Variants in GRID1 observed in about 807,000 individuals in gnomAD.
GRID1 encodes the protein glutamate receptor ionotropic, delta-1.
GRID1 carries 28 observed loss-of-function variants against 98.0 expected under a neutral mutation model. That is an observed-to-expected ratio of 0.29 (90% CI 0.21 to 0.39). GRID1 has a LOEUF of 0.39. Among genes scored for constraint, GRID1 ranks in the 10% least tolerant of loss-of-function variants. The probability of loss-of-function intolerance (pLI) is 1.00; values close to 1 mark genes in which losing one functional copy is unlikely to be tolerated. For synonymous variants in GRID1, 553 were observed against 538.5 expected, an observed-to-expected ratio of 1.03 and a Z score of -0.37; for missense variants, 1,111 against 1,340.5, an observed-to-expected ratio of 0.83 and a Z score of 2.67.
chr10:85,854,429 T>G (rs1843088721), intron 8 of GRID1, 67 bp downstream of exon 8: 1 of 1,486,668 alleles, frequency 6.7e-7, no homozygotes, highest in South Asian at 1.2e-5. Context: ...TCAGGGACCC[T>G]GTAGCTGTTG....
chr10:85,970,994 G>T (rs952311083), intron 4 of GRID1, among the ~76,000 whole-genome samples: 9 of 151,942 alleles, frequency 5.9e-5, no homozygotes, highest in African/African-American at 2.2e-4. Flanking sequence ...CTGCAAGGTT[G>T]CAGGATACAA....
intron 4 of GRID1, among the ~76,000 whole-genome samples, chr10:86,100,527 G>T (rs566564335): frequency 2.0e-4 from 31 of 152,338 alleles, no homozygotes; most frequent in South Asian, 6.2e-4. Flanking sequence ...ACAGTCAGGA[G>T]TGTTAGGAAA....
chr10:85,709,177 G>C (rs531763849), intron 12 of GRID1: 1 of 294,908 alleles, frequency 3.4e-6, no homozygotes, highest in African/African-American at 2.2e-5. Context: ...CCGAGGCTGG[G>C]CTTATGCCCT....
At chr10:85,756,802 T>C (rs1838999354) in intron 8 of GRID1, among the ~76,000 whole-genome samples, 1 of 152,198 alleles carries the variant, frequency 6.6e-6, no homozygotes, top group Admixed American at 6.5e-5. Flanking sequence ...TGTCCATTTG[T>C]CACTTACACT....
At chr10:85,775,138 A>G (rs1481205875) in intron 8 of GRID1, among the ~76,000 whole-genome samples, 2 of 152,198 alleles carry the variant, frequency 1.3e-5, no homozygotes, top group Admixed American at 6.5e-5. Flanking sequence ...ATGGAATACT[A>G]TGCAGCCATA....
At chr10:86,087,495 A>AGTGTGTGTGTGTGTAT (rs147005955) in intron 4 of GRID1, among the ~76,000 whole-genome samples, 1 of 81,476 alleles carries the variant, frequency 1.2e-5, no homozygotes, top group Non-Finnish European at 2.6e-5. Flanking sequence ...AGAAGATCCA[A>AGTGTGTGTGTGTGTAT]GTGTGTGTGT....
intron 2 of GRID1, among the ~76,000 whole-genome samples, chr10:86,245,844 CAGA>C (rs1264073184): frequency 1.3e-5 from 2 of 152,254 alleles, no homozygotes; most frequent in African/African-American, 4.8e-5. Flanking sequence ...CAGAGGTCAG[CAGA>C]AGAAGAAGGC....
At chr10:85,761,382 T>C (rs1191071838) in intron 8 of GRID1, among the ~76,000 whole-genome samples, 2 of 152,202 alleles carry the variant, frequency 1.3e-5, no homozygotes, top group East Asian at 3.9e-4. Flanking sequence ...TGGAGTTCTT[T>C]CCAGTTTCTG....
chr10:86,189,457 C>T (rs765613400), intron 3 of GRID1, among the ~76,000 whole-genome samples: 2 of 151,982 alleles, frequency 1.3e-5, no homozygotes, highest in Non-Finnish European at 2.9e-5. Context: ...TCATTACTCC[C>T]CTGCCTGTGG....
rs988240593 is a variant in GRID1 at position 85,949,269 on chromosome 10, C to T, written c.727-33030G>A. On this transcript the variant is annotated intron_variant, in intron 4 of 15. Transcript: ENST00000327946. ...TTAGTTGAAAATTCCTTTTTATTCC[C>T]CAATCTCATTTCCCAGAAGTAACCA... Among the ~76,000 whole-genome samples, 4 of 152,068 alleles carry T rather than the reference C, an allele frequency of 2.6e-5. No homozygotes were observed. In the South Asian group the frequency reaches 8.3e-4, roughly 32 times the overall value.
At chr10:85,705,294 G>T (rs1166901752) in intron 12 of GRID1, among the ~76,000 whole-genome samples, 1 of 150,730 alleles carries the variant, frequency 6.6e-6, no homozygotes, top group Non-Finnish European at 1.5e-5. Flanking sequence ...GGATATCACA[G>T]AAATACAAAC....
intron 2 of GRID1, among the ~76,000 whole-genome samples, chr10:86,359,579 A>G (rs1315585731): frequency 6.6e-6 from 1 of 152,238 alleles, no homozygotes; most frequent in African/African-American, 2.4e-5. Context: ...GATAACTAAA[A>G]GGAATATTGC....
At chr10:86,333,995 C>T (rs1848187829) in intron 2 of GRID1, among the ~76,000 whole-genome samples, 1 of 152,134 alleles carries the variant, frequency 6.6e-6, no homozygotes, top group Non-Finnish European at 1.5e-5. Flanking sequence ...TAGATGCCAG[C>T]CGCCACCCCC....
At chr10:85,804,899 TCAGCTCTTAC>T (rs984150319) in intron 8 of GRID1, among the ~76,000 whole-genome samples, 1 of 151,542 alleles carries the variant, frequency 6.6e-6, no homozygotes, top group Non-Finnish European at 1.5e-5. Context: ...GACAAGGATG[TCAGCTCTTAC>T]CACATCTTTC....
At chr10:86,256,247 G>A (rs1846915961) in intron 2 of GRID1, among the ~76,000 whole-genome samples, 1 of 152,270 alleles carries the variant, frequency 6.6e-6, no homozygotes, top group Non-Finnish European at 1.5e-5. Flanking sequence ...CCACGGCAGG[G>A]GCTCTGCTCC....
At chr10:85,875,804 C>T (rs981647523) in intron 5 of GRID1, among the ~76,000 whole-genome samples, 1 of 152,122 alleles carries the variant, frequency 6.6e-6, no homozygotes, top group Non-Finnish European at 1.5e-5. Context: ...TTGTATTTTC[C>T]CATTACACAT....
intron 12 of GRID1, among the ~76,000 whole-genome samples, chr10:85,664,323 A>G (rs1391548805): frequency 6.6e-6 from 1 of 152,152 alleles, no homozygotes; most frequent in Admixed American, 6.6e-5. Flanking sequence ...ACCCAGGCAT[A>G]TGAGATAGGT....
intron 8 of GRID1, among the ~76,000 whole-genome samples, chr10:85,733,411 A>C (rs962273713): frequency 2.0e-5 from 3 of 152,202 alleles, no homozygotes; most frequent in African/African-American, 7.2e-5. Context: ...AACTTCTGTA[A>C]CTGGAGAAGA....
intron 5 of GRID1, among the ~76,000 whole-genome samples, chr10:85,874,869 T>G (rs561625468): frequency 6.6e-6 from 1 of 152,162 alleles, no homozygotes; most frequent in African/African-American, 2.4e-5. Context: ...TTTTATGTAT[T>G]TATTTATTTA....
Sources: allele counts gnomAD v4.1 joint callset (sites outside exome capture counted in the v4.1 genomes callset), GRCh38; gene constraint gnomAD v4.1.1; transcripts MANE v1.5; gene names NCBI Gene and HGNC (gene_info 2026-07-23, HGNC 2026-07-21).